The following HTT variants were observed in gnomAD, a reference collection of about 807,000 sequenced individuals.
HTT encodes the protein huntington disease protein.
HTT carries 104 observed loss-of-function variants against 362.3 expected under a neutral mutation model. The observed-to-expected ratio is 0.29, with a 90% CI of 0.24 to 0.34. The LOEUF (loss-of-function observed/expected upper bound fraction) is 0.34. HTT is among the 10% of genes least tolerant of loss of function. The pLI, the probability that HTT is intolerant of heterozygous loss-of-function variation, is 1.00. For missense variants in HTT, 3,301 were observed against 3,928.6 expected (o/e 0.84, Z 4.27); for synonymous variants, 1,577 against 1,548.7 (o/e 1.02, Z -0.43).
At chr4:3,180,697 C>G (rs375320362) in intron 36 of HTT, 46 bp downstream of exon 36, 4 of 1,525,000 alleles carry the variant, frequency 2.6e-6, no homozygotes, top group Non-Finnish European at 3.5e-6. Flanking sequence ...TTTATTGACC[C>G]GTGCAGATGG....
Position 3,210,613 on chromosome 4 carries a change from G to T in HTT, c.6414+664G>T, listed in dbSNP as rs73792373. Among the ~76,000 whole-genome samples, 1,511 of 152,118 alleles carry T rather than the reference G, an allele frequency of 9.9e-3. 31 individuals are homozygous for T. Among genetic ancestry groups the T allele is most frequent in the African/African-American group, 0.035 (1,449 of 41,494 alleles). ...GTGGGCAGGTCCTGTGAGCAGTGGG[G>T]GGGCCACCTCTTGGGTATGGTGCAG... On this transcript the variant is annotated intron_variant, in intron 47 of 66. Transcript: ENST00000355072.
chr4:3,105,066 T>G (rs1356025436), intron 4 of HTT, among the ~76,000 whole-genome samples: 1 of 152,222 alleles, frequency 6.6e-6, no homozygotes, highest in Non-Finnish European at 1.5e-5. Context: ...TCATCGTTAT[T>G]CAGTAATTCA....
At position 3,127,475 on chromosome 4, in the gene HTT, C is replaced by T; in HGVS notation, c.1614C>T (p.Ser538=). The T allele has an allele frequency of 1.2e-6, 2 of 1,614,134 alleles. No individual in the cohort carries two copies. The highest frequency in any genetic ancestry group is 2.2e-5 in the East Asian group (1 of 44,884). The change falls in exon 12 of 67, where the codon AGC becomes AGT. Residue 538 remains serine (S), a synonymous_variant. Transcript: ENST00000355072. ...DILSHSSSQV[S]AVPSDPAMDL... ...TGAGCCACAGCTCCAGCCAGGTCAG[C>T]GCCGTCCCATCTGACCCTGCCATGG...
rs1712372858 is a variant in HTT, at chr4:3,074,743, C to T, written c.-83C>T. Reference sequence around the variant, plus strand: ...TTCTGCTTTTACCTGCGGCCCAGAGCCCCATTCATTGCCCCGGTGCTGAGC... The same window carrying T: ...TTCTGCTTTTACCTGCGGCCCAGAGTCCCATTCATTGCCCCGGTGCTGAGC... On this transcript the variant is annotated 5_prime_UTR_variant, in exon 1 of 67. Coordinates refer to ENST00000355072, the MANE Select transcript of HTT (RefSeq NM_001388492.1). The T allele has an allele frequency of 1.4e-6, 2 of 1,400,840 alleles. No homozygotes were observed. Among genetic ancestry groups the T allele is most frequent in the Non-Finnish European group, 1.9e-6 (2 of 1,048,592 alleles). 86.8% of individuals were successfully genotyped at this position (1,400,840 alleles called of 1,614,324 possible).
In HTT at chr4:3,129,771, C is replaced by A. The variant is rs907333535; in HGVS notation, c.1744-153C>A. On this transcript the variant is annotated intron_variant, in intron 12 of 66. Transcript: ENST00000355072. Reference sequence around the variant, plus strand: ...CAGTAAGCTCTTAGCAGTTTCCATGCGTGCATTTCTGTGCCTTGAAATAAA... The same window carrying A: ...CAGTAAGCTCTTAGCAGTTTCCATGAGTGCATTTCTGTGCCTTGAAATAAA... 1.4e-5 allele frequency: 11 copies of A among 807,148 alleles called. No individual in the cohort carries two copies. The South Asian group carries it at 1.7e-4, about 12-fold the overall frequency. 50.0% of individuals were successfully genotyped at this position (807,148 alleles called of 1,614,324 possible).
At position 3,138,065 on chromosome 4, in the gene HTT, G is replaced by GTTCCTTCC. The variant is rs57986232; in HGVS notation, c.2798+1767_2798+1774dup. Among the ~76,000 whole-genome samples the GTTCCTTCC allele has an allele frequency of 3.7e-3, 541 of 145,494 alleles. 1 individual carries two copies. The highest frequency in any genetic ancestry group is 0.016 in the East Asian group (76 of 4,776). Reference sequence around the variant, plus strand: ...AACTGCTCTTCAAAAACATACCATTGTTCCTTCCTTCCTTCCTTCCTTCCT... The same window carrying GTTCCTTCC: ...AACTGCTCTTCAAAAACATACCATTGTTCCTTCCTTCCTTCCTTCCTTCCTTCCTTCCT... On this transcript the variant is annotated intron_variant, in intron 21 of 66. Coordinates refer to ENST00000355072, the MANE Select transcript of HTT (RefSeq NM_001388492.1).
chr4:3,232,745 G>A (rs541027998), intron 60 of HTT, among the ~76,000 whole-genome samples: 4 of 152,370 alleles, frequency 2.6e-5, no homozygotes, highest in African/African-American at 4.8e-5. Flanking sequence ...CGTGCAGGAC[G>A]CACTTAACTC....
At chr4:3,127,203 G>T in intron 11 of HTT, 61 bp from the exon 12 acceptor site, 1 of 1,256,988 alleles carries the variant, frequency 8.0e-7, no homozygotes, top group Non-Finnish European at 1.2e-6. Flanking sequence ...TTGCAAGCCT[G>T]TGATTCCCTA....
chr4:3,186,535 G>T (rs1718765680), intron 37 of HTT, 62 bp from the exon 38 acceptor site: 1 of 1,587,692 alleles, frequency 6.3e-7, no homozygotes. Flanking sequence ...CATAGCTGGT[G>T]TACAGGAAGC....
intron 22 of HTT, among the ~76,000 whole-genome samples, chr4:3,141,456 A>G (rs1203525994): frequency 6.6e-6 from 1 of 152,182 alleles, no homozygotes; most frequent in Non-Finnish European, 1.5e-5. Flanking sequence ...TTTCATGTAA[A>G]GACTGCTTTA....
chr4:3,211,417 A>G (rs1341715483), intron 47 of HTT, among the ~76,000 whole-genome samples: 1 of 152,252 alleles, frequency 6.6e-6, no homozygotes, highest in Non-Finnish European at 1.5e-5. Flanking sequence ...AGGATCGGCC[A>G]CCAATCTTTA....
At position 3,242,170 on chromosome 4, in the gene HTT, T is replaced by C. The variant is rs1721832547; in HGVS notation, c.*2111T>C. The C allele has an allele frequency of 6.6e-6, 1 of 152,190 alleles. No individual in the cohort carries two copies. Among genetic ancestry groups the C allele is most frequent in the Admixed American group, 6.5e-5 (1 of 15,276 alleles). 9.4% of individuals were successfully genotyped at this position (152,190 alleles called of 1,614,324 possible). A position where few individuals can be genotyped will look rare whatever the true frequency, so the allele number is the denominator to read the frequency against. On this transcript the variant is annotated 3_prime_UTR_variant, in exon 67 of 67. Coordinates refer to ENST00000355072, the MANE Select transcript of HTT (RefSeq NM_001388492.1). ...CATTTGTAAGAAATAACACTGTGAA[T>C]GTAAAACAGAGCCATTCCCTTGGAA... is the stretch of plus-strand genomic sequence containing the variant.
At chr4:3,173,301 A>G in intron 31 of HTT, 170 bp downstream of exon 31, 1 of 623,508 alleles carries the variant, frequency 1.6e-6, no homozygotes, top group South Asian at 1.9e-5. Flanking sequence ...GATTTAAGGC[A>G]TAGCCCGGCC....
At chr4:3,163,664 C>T (rs1717551490) in intron 29 of HTT, among the ~76,000 whole-genome samples, 1 of 152,068 alleles carries the variant, frequency 6.6e-6, no homozygotes, top group African/African-American at 2.4e-5. Flanking sequence ...GTGTATGTGT[C>T]CAGGAATTTA....
chr4:3,206,352 G>C lies in HTT; in HGVS notation c.5719-144G>C, dbSNP rs1719852681. ...GAGTTTCCTACCTCCTCAATTATTT[G>C]TGCTCATACACTGTATATTTTTAGT... On this transcript the variant is annotated intron_variant, in intron 42 of 66. Coordinates refer to ENST00000355072, the MANE Select transcript of HTT (RefSeq NM_001388492.1). This position sits in a 1 kb window ranked among gnomAD's most constrained non-coding sequence, Gnocchi z 4.6. 3.1e-6 allele frequency: 2 copies of C among 639,652 alleles called. No individual in the cohort carries two copies. Among genetic ancestry groups the C allele is most frequent in the Admixed American group, 2.9e-5 (1 of 34,378 alleles). The allele number at this position is 639,652 out of a possible 1,614,324, so 39.6% of individuals were successfully genotyped here.
rs914396561 is a variant in HTT, at chr4:3,134,640, C to T, written c.2633+100C>T. The T allele has an allele frequency of 6.3e-6, 7 of 1,104,728 alleles. No homozygotes were observed. In the Admixed American group the frequency reaches 1.5e-4, roughly 24 times the overall value. The allele number at this position is 1,104,728 out of a possible 1,614,324, so 68.4% of individuals were successfully genotyped here. A position where few individuals can be genotyped will look rare whatever the true frequency, so the allele number is the denominator to read the frequency against. ...TGATGTTATCAAGTACCCTGTCCAT[C>T]AGAAATCCGAGTGGTTTAGGTAGAT... On this transcript the variant is annotated intron_variant, in intron 19 of 66. Transcript: ENST00000355072.
chr4:3,212,280 C>T (rs559893381), intron 48 of HTT, 138 bp downstream of exon 48: 39 of 733,656 alleles, frequency 5.3e-5, no homozygotes, highest in African/African-American at 7.1e-5. Flanking sequence ...AAGAGCAGCA[C>T]GGGTGTCCTC....
At chr4:3,115,114 C>G (rs982755619) in intron 6 of HTT, among the ~76,000 whole-genome samples, 190 bp from the exon 7 acceptor site, 5 of 152,178 alleles carry the variant, frequency 3.3e-5, no homozygotes, top group Non-Finnish European at 4.4e-5. Flanking sequence ...AGCAAATAGA[C>G]TACACATGTC....
chr4:3,189,863 A>G (rs1197857582), intron 40 of HTT, among the ~76,000 whole-genome samples: 2 of 152,106 alleles, frequency 1.3e-5, no homozygotes, highest in East Asian at 3.9e-4. Context: ...CATCTGTACA[A>G]ACAAACTAGC....
Sources: gnomAD v4.1 joint callset for allele counts (sites outside exome capture counted in the v4.1 genomes callset) on GRCh38, gnomAD v4.1.1 for gene constraint, Gnocchi (gnomAD v3.1) non-coding constraint, MANE v1.5 for transcripts, NCBI Gene and HGNC (gene_info 2026-07-23, HGNC 2026-07-21) for gene names.